The following TRPM3 variants were observed in gnomAD, a reference collection of about 807,000 sequenced individuals.
TRPM3 encodes transient receptor potential cation channel subfamily M member 3.
TRPM3 carries 77 observed loss-of-function variants against 181.2 expected under a neutral mutation model. The observed-to-expected ratio is 0.42, with a 90% CI of 0.35 to 0.51. TRPM3 has a LOEUF of 0.51. TRPM3 is among the 20% of genes least tolerant of loss of function. The pLI is 0.01. For missense variants in TRPM3, 1,759 were observed against 2,196.7 expected, an observed-to-expected ratio of 0.80 and a Z score of 3.98; for synonymous variants, 745 against 796.4, an observed-to-expected ratio of 0.94 and a Z score of 1.09.
intron 4 of TRPM3, among the ~76,000 whole-genome samples, chr9:70,844,944 C>T (rs1326572552): frequency 6.6e-6 from 1 of 152,038 alleles, no homozygotes; most frequent in Non-Finnish European, 1.5e-5. Context: ...ACATGGAGCC[C>T]AAAACCTGAA....
intron 6 of TRPM3, among the ~76,000 whole-genome samples, chr9:70,822,542 G>GA (rs1454055256): frequency 1.3e-5 from 2 of 152,224 alleles, no homozygotes; most frequent in African/African-American, 4.8e-5. Context: ...GGGGTTGGGG[G>GA]AGGGGGTAAT....
At chr9:71,402,802 G>A (rs2093366260) in intron 1 of TRPM3, among the ~76,000 whole-genome samples, 1 of 152,050 alleles carries the variant, frequency 6.6e-6, no homozygotes, top group South Asian at 2.1e-4. Context: ...TGCTGATTGG[G>A]CCTCAATTTG....
chr9:71,186,289 T>A (rs1000196254), intron 1 of TRPM3, among the ~76,000 whole-genome samples: 1 of 152,036 alleles, frequency 6.6e-6, no homozygotes, highest in Non-Finnish European at 1.5e-5. Flanking sequence ...CTAGAAACCA[T>A]GTTTAGTCCC....
rs76571532 is a variant in TRPM3 at position 71,312,544 on chromosome 9, C to T, written c.183+134109G>A. On this transcript the variant is annotated intron_variant, in intron 1 of 24. Coordinates refer to the TRPM3 transcript ENST00000357533. ...TAATATACAACCCAGCAATTGTACC[C>T]CTACACATTTAATCAAATGAATTGC... Among the ~76,000 whole-genome samples, 672 of 152,154 alleles carry T rather than the reference C, an allele frequency of 4.4e-3. 9 individuals carry two copies. The highest frequency in any genetic ancestry group is 0.015 in the African/African-American group (640 of 41,504).
At chr9:71,021,141 A>G (rs1296554746) in intron 1 of TRPM3, among the ~76,000 whole-genome samples, 2 of 152,198 alleles carry the variant, frequency 1.3e-5, no homozygotes, top group Non-Finnish European at 2.9e-5. Context: ...CTAATATTGT[A>G]TCTCTCAATT....
chr9:70,625,108 C>G lies in TRPM3; in HGVS notation c.1809+83G>C. The G allele has an allele frequency of 6.7e-7, 1 of 1,496,554 alleles. No individual in the cohort carries two copies. Among genetic ancestry groups the G allele is most frequent in the Non-Finnish European group, 9.1e-7 (1 of 1,103,936 alleles). The allele number at this position is 1,496,554 out of a possible 1,614,324, so 92.7% of individuals were successfully genotyped here. A position where few individuals can be genotyped will look rare whatever the true frequency, so the allele number is the denominator to read the frequency against. The stretch of plus-strand genomic sequence containing the variant: ...AGCGCAATTTTCTGATTTTAATTCC[C>G]CTTGGAGACAAAGAAGCCACAACCC... On this transcript the variant is annotated intron_variant, in intron 14 of 25. Coordinates refer to ENST00000677713, the MANE Select transcript of TRPM3 (RefSeq NM_001366145.2). The surrounding 1 kb of genome is among the most constrained non-coding windows in gnomAD (Gnocchi z 4.8).
chr9:70,637,985 A>G (rs1276336418), intron 11 of TRPM3, among the ~76,000 whole-genome samples: 3 of 152,146 alleles, frequency 2.0e-5, no homozygotes, highest in South Asian at 2.1e-4. Flanking sequence ...CTGCAAATGT[A>G]TCCCAGAACT....
chr9:70,994,755 G>A (rs983165171), intron 1 of TRPM3, among the ~76,000 whole-genome samples: 8 of 152,068 alleles, frequency 5.3e-5, no homozygotes, highest in African/African-American at 1.4e-4. Flanking sequence ...CATTAAACAC[G>A]TGCATCAGCT....
At chr9:70,894,446 T>C (rs1405181663) in intron 1 of TRPM3, among the ~76,000 whole-genome samples, 1 of 152,074 alleles carries the variant, frequency 6.6e-6, no homozygotes, top group Non-Finnish European at 1.5e-5. Context: ...TTGTATCTCA[T>C]GGATACAAAT....
intron 1 of TRPM3, among the ~76,000 whole-genome samples, chr9:70,900,589 CTT>C (rs1242212714): frequency 1.3e-5 from 2 of 152,146 alleles, no homozygotes; most frequent in Non-Finnish European, 2.9e-5. Flanking sequence ...TTCACAAATA[CTT>C]TGTAATAATA....
chr9:70,910,050 T>C (rs1020192229), intron 1 of TRPM3, among the ~76,000 whole-genome samples: 1 of 152,150 alleles, frequency 6.6e-6, no homozygotes, highest in Non-Finnish European at 1.5e-5. Context: ...GCAATTCCAG[T>C]CCTAGGCAAA....
At chr9:71,218,951 G>GTGC (rs2131839700) in intron 1 of TRPM3, among the ~76,000 whole-genome samples, 1 of 152,292 alleles carries the variant, frequency 6.6e-6, no homozygotes, top group South Asian at 2.1e-4. Flanking sequence ...TCTGTTCAAA[G>GTGC]TCCTATATAA....
intron 1 of TRPM3, among the ~76,000 whole-genome samples, chr9:70,992,582 A>T (rs1217323371): frequency 2.0e-5 from 3 of 152,240 alleles, no homozygotes; most frequent in Non-Finnish European, 4.4e-5. Flanking sequence ...TAATATCTGC[A>T]CTGTACAATA....
chr9:71,150,577 A>C (rs2075680227), intron 1 of TRPM3, among the ~76,000 whole-genome samples: 1 of 152,166 alleles, frequency 6.6e-6, no homozygotes, highest in South Asian at 2.1e-4. Context: ...GATCAAAAGC[A>C]TAGAGAAAGA....
chr9:71,315,429 T>C (rs1478144938), intron 1 of TRPM3, among the ~76,000 whole-genome samples: 1 of 152,118 alleles, frequency 6.6e-6, no homozygotes, highest in African/African-American at 2.4e-5. Flanking sequence ...TTCCCATACA[T>C]TTGAAACTGA....
At chr9:71,334,725 C>T (rs965798566) in intron 1 of TRPM3, among the ~76,000 whole-genome samples, 1 of 152,092 alleles carries the variant, frequency 6.6e-6, no homozygotes, top group East Asian at 1.9e-4. Flanking sequence ...TCCACCATAG[C>T]CATTTCCATT....
At chr9:71,401,973 C>T (rs1465563733) in intron 1 of TRPM3, among the ~76,000 whole-genome samples, 1 of 152,160 alleles carries the variant, frequency 6.6e-6, no homozygotes, top group Non-Finnish European at 1.5e-5. Context: ...TCTAAAAAGG[C>T]ATACCATGTA....
intron 1 of TRPM3, among the ~76,000 whole-genome samples, chr9:71,233,858 G>A (rs2081211794): frequency 6.6e-6 from 1 of 152,180 alleles, no homozygotes. Context: ...TAATCAGACT[G>A]AATAAAATCC....
chr9:71,308,293 C>G (rs1384563664), intron 1 of TRPM3, among the ~76,000 whole-genome samples: 1 of 151,970 alleles, frequency 6.6e-6, no homozygotes, highest in Non-Finnish European at 1.5e-5. Context: ...TAAAAAAAAC[C>G]TATTACTCTG....
Sources: gnomAD v4.1 joint callset for allele counts (sites outside exome capture counted in the v4.1 genomes callset) on GRCh38, gnomAD v4.1.1 for gene constraint, Gnocchi (gnomAD v3.1) non-coding constraint, MANE v1.5 for transcripts, NCBI Gene and HGNC (gene_info 2026-07-23, HGNC 2026-07-21) for gene names.